IL1RAPL2: variants seen among roughly 807,000 people sequenced by gnomAD.
IL1RAPL2 encodes the protein X-linked interleukin-1 receptor accessory protein-like 2.
Under a neutral mutation model 44.1 loss-of-function variants are expected in IL1RAPL2, and 3 were observed. The ratio of observed to expected loss-of-function variants is 0.07; its 90% CI spans 0.03 to 0.18. The LOEUF is 0.18. Ranked by LOEUF, IL1RAPL2 falls within the 10% of genes least tolerant of loss-of-function variation. The pLI is 1.00. For missense variants in IL1RAPL2, 391 were observed against 496.4 expected, an observed-to-expected ratio of 0.79 and a Z score of 2.02; for synonymous variants, 181 against 178.8, an observed-to-expected ratio of 1.01 and a Z score of -0.10.
In IL1RAPL2 at chrX:105,707,949, G is replaced by T. The variant is rs757104095; in HGVS notation, c.773-9418G>T. On this transcript the variant is annotated intron_variant, in intron 6 of 10. Coordinates refer to ENST00000372582, the MANE Select transcript of IL1RAPL2 (RefSeq NM_017416.2). ...AGGCTTTAAGTGAGCAAAAGTGGAG[G>T]GTAAAGGCATGCCAATCACGTAGGC... 3.6e-5 allele frequency among the ~76,000 whole-genome samples: 4 copies of T among 110,120 alleles called. No homozygotes were observed. The East Asian group carries it at 1.2e-3, about 32-fold the overall frequency.
At chrX:105,756,613 G>C (rs2038641672) in intron 10 of IL1RAPL2, among the ~76,000 whole-genome samples, 1 of 111,827 alleles carries the variant, frequency 8.9e-6, no homozygotes, top group African/African-American at 3.2e-5. Context: ...AACAAAGAAG[G>C]CAATATTTAC....
At chrX:105,701,687 G>A (rs888566304) in intron 6 of IL1RAPL2, among the ~76,000 whole-genome samples, 11 of 111,345 alleles carry the variant, frequency 9.9e-5, no homozygotes, top group Non-Finnish European at 1.7e-4. Context: ...ATGACAGTTC[G>A]ACTCCTTACC....
At chrX:104,740,037 AAGT>A (rs1294937070) in intron 2 of IL1RAPL2, among the ~76,000 whole-genome samples, 13 of 111,331 alleles carry the variant, frequency 1.2e-4, no homozygotes, top group African/African-American at 3.9e-4. Context: ...AAGTGGGTAA[AAGT>A]AGTATTTTAC....
At chrX:105,198,146 CG>C (rs782494882) in intron 3 of IL1RAPL2, among the ~76,000 whole-genome samples, 1 of 111,605 alleles carries the variant, frequency 9.0e-6, no homozygotes, top group Non-Finnish European at 1.9e-5. Context: ...TCCAGTCTAC[CG>C]TTGATGGGCA....
At chrX:105,742,424 G>A (rs968898964) in intron 8 of IL1RAPL2, among the ~76,000 whole-genome samples, 2 of 111,487 alleles carry the variant, frequency 1.8e-5, no homozygotes, top group Non-Finnish European at 3.8e-5. Flanking sequence ...ATCAGCCCAT[G>A]TGGACAGAAA....
At chrX:104,869,970 T>G (rs747245718) in intron 2 of IL1RAPL2, among the ~76,000 whole-genome samples, 7 of 112,213 alleles carry the variant, frequency 6.2e-5, no homozygotes, top group Admixed American at 2.8e-4. Flanking sequence ...TCTGTTTAGA[T>G]GGAATTATTC....
Position 105,439,308 on chromosome X carries a change from T to G in IL1RAPL2, c.698-45005T>G, listed in dbSNP as rs1465870272. Among the ~76,000 whole-genome samples the G allele has an allele frequency of 2.7e-5, 3 of 111,295 alleles. No individual in the cohort carries two copies. The East Asian group carries it at 8.5e-4, about 32-fold the overall frequency. ...GGCTCAGCTCTTGTGTATTTATGAT[T>G]TACTTCCTTTTTGCTGCATGTGCTT... On this transcript the variant is annotated intron_variant, in intron 5 of 10. Coordinates refer to ENST00000372582, the MANE Select transcript of IL1RAPL2 (RefSeq NM_017416.2).
chrX:104,585,336 T>TA (rs1393736732), intron 1 of IL1RAPL2, among the ~76,000 whole-genome samples: 4 of 17,645 alleles, frequency 2.3e-4, no homozygotes, highest in Non-Finnish European at 7.8e-5. Context: ...ATAATATATA[T>TA]TATATATTAT....
At chrX:104,891,275 A>T (rs909995284) in intron 2 of IL1RAPL2, among the ~76,000 whole-genome samples, 1 of 111,689 alleles carries the variant, frequency 9.0e-6, no homozygotes, top group Non-Finnish European at 1.9e-5. Flanking sequence ...TTGTCTTGGA[A>T]ATGCGGGTTC....
chrX:105,302,077 C>T (rs979564425), intron 5 of IL1RAPL2, among the ~76,000 whole-genome samples: 1 of 111,841 alleles, frequency 8.9e-6, no homozygotes, highest in African/African-American at 3.3e-5. Context: ...GAGATGATAT[C>T]TCCTTGTAGT....
In IL1RAPL2 at chrX:105,009,655, C is replaced by T. The variant is rs760470698; in HGVS notation, c.83-185820C>T. Among the ~76,000 whole-genome samples, 12 of 107,033 alleles carry T rather than the reference C, an allele frequency of 1.1e-4. No homozygotes were observed. The East Asian group carries it at 1.2e-3, about 11-fold the overall frequency. 92.9% of individuals were successfully genotyped at this position (107,033 alleles called of 115,157 possible). On this transcript the variant is annotated intron_variant, in intron 2 of 10. Transcript: ENST00000372582. The stretch of plus-strand genomic sequence containing the variant: ...AGGAGATATACCTAATGCTAAATGA[C>T]GAGTTAATGGGTGCAGCACACCAAC...
intron 4 of IL1RAPL2, among the ~76,000 whole-genome samples, chrX:105,241,702 AAAC>A (rs1477313342): frequency 3.6e-5 from 4 of 112,035 alleles, no homozygotes; most frequent in African/African-American, 1.3e-4. Flanking sequence ...ATTTACAAAA[AAAC>A]TGAACAATAC....
chrX:104,608,312 G>GCA, intron 1 of IL1RAPL2, among the ~76,000 whole-genome samples: 1 of 110,636 alleles, frequency 9.0e-6, no homozygotes, highest in African/African-American at 3.3e-5. Flanking sequence ...AACCACCATG[G>GCA]CATGTCTATA....
At chrX:104,674,143 G>A (rs1189443338) in intron 2 of IL1RAPL2, among the ~76,000 whole-genome samples, 1 of 112,006 alleles carries the variant, frequency 8.9e-6, no homozygotes, top group Non-Finnish European at 1.9e-5. Flanking sequence ...ATGTTGAAGA[G>A]GAGTGTTGAG....
intron 2 of IL1RAPL2, among the ~76,000 whole-genome samples, chrX:104,876,637 T>G (rs977844196): frequency 3.0e-5 from 3 of 99,394 alleles, no homozygotes; most frequent in African/African-American, 1.1e-4. Flanking sequence ...ACCAAATCAC[T>G]GTTATATAGC....
At chrX:105,618,098 C>G (rs1434289309) in intron 6 of IL1RAPL2, among the ~76,000 whole-genome samples, 4 of 107,691 alleles carry the variant, frequency 3.7e-5, no homozygotes, top group Non-Finnish European at 5.7e-5. Flanking sequence ...GATACTCGCT[C>G]TCTGTATCTC....
intron 2 of IL1RAPL2, among the ~76,000 whole-genome samples, chrX:104,956,615 C>T (rs1183663377): frequency 5.5e-5 from 6 of 109,948 alleles, no homozygotes; most frequent in Non-Finnish European, 9.5e-5. Context: ...CCAGCCTGGG[C>T]GACAGAGTGA....
intron 2 of IL1RAPL2, among the ~76,000 whole-genome samples, chrX:104,853,750 A>C (rs1922284565): frequency 9.3e-6 from 1 of 107,990 alleles, no homozygotes; most frequent in African/African-American, 3.4e-5. Flanking sequence ...AAAAATACAA[A>C]ACATTAGCCA....
intron 8 of IL1RAPL2, among the ~76,000 whole-genome samples, chrX:105,744,327 T>C (rs1292045174): frequency 9.0e-6 from 1 of 111,707 alleles, no homozygotes; most frequent in Non-Finnish European, 1.9e-5. Flanking sequence ...CCTTAGGAGC[T>C]TCTGACAATA....
Sources: gnomAD v4.1 joint callset for allele counts (sites outside exome capture counted in the v4.1 genomes callset) on GRCh38, gnomAD v4.1.1 for gene constraint, MANE v1.5 for transcripts, NCBI Gene and HGNC (gene_info 2026-07-23, HGNC 2026-07-21) for gene names.